Variants in NAALADL2 observed in about 807,000 individuals in gnomAD.
NAALADL2 encodes N-acetylated alpha-linked acidic dipeptidase like 2.
NAALADL2 carries 76 observed loss-of-function variants against 87.2 expected under a neutral mutation model. That is an observed-to-expected ratio of 0.87 (90% CI 0.72 to 1.05). The LOEUF (loss-of-function observed/expected upper bound fraction) is 1.05. Ranked by LOEUF, NAALADL2 falls within the 50% of genes least tolerant of loss-of-function variation. NAALADL2 has a pLI of 0.00. For missense variants in NAALADL2, 1,089 were observed against 945.8 expected, an observed-to-expected ratio of 1.15 and a Z score of -1.99; for synonymous variants, 354 against 331.0, an observed-to-expected ratio of 1.07 and a Z score of -0.75.
chr3:175,698,513 A>G (rs924540623), intron 11 of NAALADL2, among the ~76,000 whole-genome samples: 1 of 144,494 alleles, frequency 6.9e-6, no homozygotes. Flanking sequence ...AAAATCTCCA[A>G]GCAAATTCCT....
At position 175,383,104 on chromosome 3, in the gene NAALADL2, A is replaced by T. The variant is rs929426339; in HGVS notation, c.1090+58779A>T. On this transcript the variant is annotated intron_variant, in intron 5 of 13. Transcript: ENST00000454872. ...AGGGTATATGTGATATTTTGATACAAGCATACAATGTGTAATGATCACATA... is the reference window on the plus strand; with the variant it reads ...AGGGTATATGTGATATTTTGATACATGCATACAATGTGTAATGATCACATA... 9.9e-5 allele frequency among the ~76,000 whole-genome samples: 15 copies of T among 152,056 alleles called. 1 individual carries two copies. The highest frequency in any genetic ancestry group is 2.2e-4 in the Non-Finnish European group (15 of 67,946).
At chr3:175,480,036 G>A (rs1306352851) in intron 9 of NAALADL2, among the ~76,000 whole-genome samples, 1 of 151,642 alleles carries the variant, frequency 6.6e-6, no homozygotes, top group South Asian at 2.1e-4. Context: ...ATGGATGACT[G>A]CTTTAGTCAA....
intron 6 of NAALADL2, among the ~76,000 whole-genome samples, chr3:175,449,575 A>G (rs1336548228): frequency 6.6e-6 from 1 of 151,280 alleles, no homozygotes; most frequent in Non-Finnish European, 1.5e-5. Flanking sequence ...TTGTATTTTC[A>G]GTAGAGACGG....
chr3:175,021,722 A>G (rs929373704), intron 1 of NAALADL2, among the ~76,000 whole-genome samples: 5 of 152,076 alleles, frequency 3.3e-5, no homozygotes, highest in African/African-American at 1.2e-4. Context: ...TAGGGGTGAG[A>G]CCAGGGGAGT....
intron 9 of NAALADL2, among the ~76,000 whole-genome samples, chr3:175,496,798 G>A (rs186582006): frequency 3.3e-5 from 5 of 152,050 alleles, no homozygotes; most frequent in East Asian, 1.9e-4. Context: ...GGGCTCAAGC[G>A]ATCCACCTGC....
chr3:175,732,287 G>T (rs1262521331), intron 11 of NAALADL2, among the ~76,000 whole-genome samples: 2 of 152,086 alleles, frequency 1.3e-5, no homozygotes, highest in African/African-American at 2.4e-5. Context: ...ATAGGATTAC[G>T]CAATAACTCA....
At chr3:174,856,640 T>C (rs1466689223), upstream of NAALADL2, among the ~76,000 whole-genome samples, 1 of 152,136 alleles carries the variant, frequency 6.6e-6, no homozygotes, top group Non-Finnish European at 1.5e-5. Context: ...GCAAAAGTTA[T>C]GAGGCTGGCA....
chr3:175,426,671 T>C (rs1716836512), intron 5 of NAALADL2, among the ~76,000 whole-genome samples: 1 of 151,924 alleles, frequency 6.6e-6, no homozygotes, highest in Non-Finnish European at 1.5e-5. Context: ...CCTTATCCTT[T>C]CTCATATGCA....
At chr3:174,641,984 C>T (rs2108732526) in intron 2 of NAALADL2, among the ~76,000 whole-genome samples, 1 of 152,130 alleles carries the variant, frequency 6.6e-6, no homozygotes, top group South Asian at 2.1e-4. Context: ...GTCTCAAACT[C>T]CTGGGCTGAA....
chr3:175,682,822 TATC>T (rs1184480153), intron 11 of NAALADL2, among the ~76,000 whole-genome samples: 1 of 152,068 alleles, frequency 6.6e-6, no homozygotes, highest in African/African-American at 2.4e-5. Flanking sequence ...CTATAATACT[TATC>T]ATTAAAACTT....
At chr3:174,474,767 CTG>C (rs1717111682) in intron 1 of NAALADL2, among the ~76,000 whole-genome samples, 2 of 152,082 alleles carry the variant, frequency 1.3e-5, no homozygotes, top group African/African-American at 4.8e-5. Flanking sequence ...GTGTTAGACA[CTG>C]TGCTAACCAT....
intron 13 of NAALADL2, among the ~76,000 whole-genome samples, chr3:175,791,151 A>G (rs1752728943): frequency 1.3e-5 from 2 of 152,346 alleles, no homozygotes; most frequent in Admixed American, 6.5e-5. Context: ...CTAATATTTA[A>G]TATGAGGGGA....
At chr3:175,065,635 A>G (rs968601530) in intron 1 of NAALADL2, among the ~76,000 whole-genome samples, 2 of 152,226 alleles carry the variant, frequency 1.3e-5, no homozygotes, top group Non-Finnish European at 1.5e-5. Context: ...GGAATGTAAG[A>G]GCAGGTGTCA....
intron 9 of NAALADL2, among the ~76,000 whole-genome samples, chr3:175,519,174 T>C (rs1732290081): frequency 6.6e-6 from 1 of 152,132 alleles, no homozygotes; most frequent in African/African-American, 2.4e-5. Context: ...ACCAAGTAGG[T>C]CAGATTTTCT....
intron 1 of NAALADL2, among the ~76,000 whole-genome samples, chr3:174,912,068 G>A (rs910099862): frequency 6.6e-6 from 1 of 151,940 alleles, no homozygotes; most frequent in Non-Finnish European, 1.5e-5. Context: ...AAAGAAGGTC[G>A]GCTGTGATGA....
Position 175,677,133 on chromosome 3 carries a change from G to T in NAALADL2, c.1896+49747G>T, listed in dbSNP as rs575389266. Among the ~76,000 whole-genome samples the T allele has an allele frequency of 2.6e-5, 4 of 152,220 alleles. No homozygotes were observed. The South Asian group carries it at 8.3e-4, about 32-fold the overall frequency. ...TAATCCTAGCACTTTGGGAGGCTGA[G>T]GTGGGCAGATCACGAGGTCAGGAGA... On this transcript the variant is annotated intron_variant, in intron 11 of 13. Coordinates refer to ENST00000454872, the MANE Select transcript of NAALADL2 (RefSeq NM_207015.3).
chr3:175,664,024 G>A (rs1023757834), intron 11 of NAALADL2, among the ~76,000 whole-genome samples: 6 of 151,944 alleles, frequency 3.9e-5, no homozygotes, highest in African/African-American at 1.4e-4. Flanking sequence ...GAAGGATATG[G>A]AGGTATATAT....
intron 1 of NAALADL2, among the ~76,000 whole-genome samples, chr3:175,000,360 G>A (rs1748070125): frequency 1.3e-5 from 2 of 152,094 alleles, no homozygotes; most frequent in Non-Finnish European, 2.9e-5. Flanking sequence ...ATAGAGCAGG[G>A]GTTGGCAAAC....
chr3:174,731,157 C>A (rs1732670862), intron 2 of NAALADL2, among the ~76,000 whole-genome samples: 2 of 152,156 alleles, frequency 1.3e-5, no homozygotes, highest in South Asian at 4.1e-4. Flanking sequence ...TGGGGATATG[C>A]ATGTTGGAAC....
Sources: gnomAD v4.1 joint callset for allele counts (sites outside exome capture counted in the v4.1 genomes callset) on GRCh38, gnomAD v4.1.1 for gene constraint, MANE v1.5 for transcripts, NCBI Gene and HGNC (gene_info 2026-07-23, HGNC 2026-07-21) for gene names.